NPAT: variants seen among roughly 807,000 people sequenced by gnomAD.
NPAT encodes the protein nuclear protein, coactivator of histone transcription.
Under a neutral mutation model 130.7 loss-of-function variants are expected in NPAT, and 52 were observed. The ratio of observed to expected loss-of-function variants is 0.40; its 90% CI spans 0.32 to 0.50. NPAT has a LOEUF of 0.50. Among genes scored for constraint, NPAT ranks in the 20% least tolerant of loss-of-function variants. The pLI is 0.68. For synonymous variants in NPAT, 580 were observed against 584.8 expected, an observed-to-expected ratio of 0.99 and a Z score of 0.12; for missense variants, 1,687 against 1,662.6, an observed-to-expected ratio of 1.01 and a Z score of -0.26.
chr11:108,220,383 G>A (rs1265713308), intron 1 of NPAT, among the ~76,000 whole-genome samples: 2 of 152,136 alleles, frequency 1.3e-5, no homozygotes, highest in Admixed American at 6.5e-5. Flanking sequence ...TGTTTAATGG[G>A]TGTCTAATGT....
intron 15 of NPAT, among the ~76,000 whole-genome samples, chr11:108,164,865 G>C (rs1382626394): frequency 6.6e-6 from 1 of 152,112 alleles, no homozygotes; most frequent in Non-Finnish European, 1.5e-5. Flanking sequence ...ACAAAAAATA[G>C]CTGGGCATGG....
chr11:108,163,045 G>A (rs1444670133), intron 15 of NPAT, among the ~76,000 whole-genome samples: 3 of 150,728 alleles, frequency 2.0e-5, no homozygotes, highest in African/African-American at 7.3e-5. Flanking sequence ...GGTTTCAGAG[G>A]CAATCCTTTA....
chr11:108,185,575 A>G (rs965040246), intron 8 of NPAT, 81 bp from the exon 9 acceptor site: 25 of 944,418 alleles, frequency 2.6e-5, no homozygotes, highest in Middle Eastern at 3.2e-4. Flanking sequence ...GAACAAACCG[A>G]TAAGAGCTGG....
intron 1 of NPAT, among the ~76,000 whole-genome samples, chr11:108,217,099 C>T (rs1304652411): frequency 3.3e-5 from 5 of 152,164 alleles, no homozygotes; most frequent in African/African-American, 4.8e-5. Flanking sequence ...TCCAGGTACA[C>T]GTTTCTTCCC....
At chr11:108,201,675 G>A (rs1489119490) in intron 1 of NPAT, among the ~76,000 whole-genome samples, 3 of 152,184 alleles carry the variant, frequency 2.0e-5, no homozygotes, top group South Asian at 2.1e-4. Flanking sequence ...GGGGTATAAC[G>A]TAACCATTTA....
At chr11:108,176,140 TAACA>T (rs2078003496) in intron 12 of NPAT, 102 bp downstream of exon 12, 1 of 867,858 alleles carries the variant, frequency 1.2e-6, no homozygotes, top group South Asian at 1.5e-5. Flanking sequence ...AAATGACCTA[TAACA>T]ATCTGAACAA....
rs769878999 is a variant in NPAT at position 108,176,362 on chromosome 11, T to C, written c.1016A>G (p.Asn339Ser). The C allele has an allele frequency of 7.1e-6, 11 of 1,549,126 alleles. No individual in the cohort carries two copies. Among genetic ancestry groups the C allele is most frequent in the Middle Eastern group, 1.7e-4 (1 of 5,882 alleles). ...AATACTTTGTGATATATTTTTATTA[T>C]TCTTTGTTTTGCCTGTTAAAAAGGG... ...FDLFDYGKTK[N>S]NKNISQSISS... The change falls in exon 12 of 18, where the codon AAT (asparagine) becomes AGT (serine). Residue 339 changes from asparagine to serine, a missense_variant. By Grantham distance (46) the Asn-to-Ser change is conservative. Around this residue, in one of 3 missense-constraint regions of NPAT, gnomAD observed 1,379 missense variants for 1,346.6 expected, o/e 1.02. Transcript: ENST00000278612.
intron 2 of NPAT, 85 bp from the exon 3 acceptor site, chr11:108,194,102 A>C: frequency 2.5e-6 from 2 of 786,426 alleles, no homozygotes; most frequent in Non-Finnish European, 4.4e-6. Context: ...CATTCAACTT[A>C]ATAAAAGATC....
At chr11:108,220,920 G>A (rs2078482128) in intron 1 of NPAT, among the ~76,000 whole-genome samples, 2 of 152,208 alleles carry the variant, frequency 1.3e-5, no homozygotes, top group African/African-American at 4.8e-5. Context: ...GGCACATTGC[G>A]GGATTGGTGG....
At chr11:108,209,888 C>CAAAA (rs58890849) in intron 1 of NPAT, among the ~76,000 whole-genome samples, 6 of 70,812 alleles carry the variant, frequency 8.5e-5, no homozygotes, top group African/African-American at 3.3e-4. Flanking sequence ...GACTTCATCT[C>CAAAA]AAAAAAAAAA....
At chr11:108,164,389 A>G (rs1384882542) in intron 15 of NPAT, among the ~76,000 whole-genome samples, 1 of 152,240 alleles carries the variant, frequency 6.6e-6, no homozygotes, top group Non-Finnish European at 1.5e-5. Context: ...ATCAAGGGCT[A>G]TAGAGTAGCT....
intron 2 of NPAT, among the ~76,000 whole-genome samples, chr11:108,196,553 C>G (rs1295681340): frequency 1.3e-5 from 2 of 152,202 alleles, no homozygotes; most frequent in African/African-American, 4.8e-5. Context: ...TTGAGTCTCT[C>G]AATTTGTACA....
chr11:108,189,496 A>C (rs529769893), intron 5 of NPAT, among the ~76,000 whole-genome samples, 166 bp from the exon 6 acceptor site: 1 of 152,358 alleles, frequency 6.6e-6, no homozygotes, highest in South Asian at 2.1e-4. Flanking sequence ...AGAAGAAACT[A>C]AAATGAATAC....
chr11:108,191,731 TCTTTA>T (rs2078171440), intron 4 of NPAT, among the ~76,000 whole-genome samples: 1 of 152,222 alleles, frequency 6.6e-6, no homozygotes, highest in African/African-American at 2.4e-5. Context: ...CAAGCTTTTT[TCTTTA>T]CAAGTTAAGA....
Position 108,158,009 on chromosome 11 carries a change from T to A in NPAT, c.*933A>T, listed in dbSNP as rs561134444. On this transcript the variant is annotated 3_prime_UTR_variant, in exon 18 of 18. Transcript: ENST00000278612. ...TAAAACTATGATTTCTCTTTTTACA[T>A]CTTATGATGGACACAACACCAGAAG... 6.6e-5 allele frequency: 10 copies of A among 152,632 alleles called. No individual in the cohort carries two copies. Among genetic ancestry groups the A allele is most frequent in the African/African-American group, 2.4e-4 (10 of 41,562 alleles). The allele number at this position is 152,632 out of a possible 1,614,324, so 9.5% of individuals were successfully genotyped here.
Position 108,222,638 on chromosome 11 carries a change from T to C in NPAT, c.-102A>G. The C allele has an allele frequency of 7.7e-7, 1 of 1,298,888 alleles. No homozygotes were observed. The highest frequency in any genetic ancestry group is 1.1e-6 in the Non-Finnish European group (1 of 911,274). The allele number at this position is 1,298,888 out of a possible 1,614,324, so 80.5% of individuals were successfully genotyped here. A position where few individuals can be genotyped will look rare whatever the true frequency, so the allele number is the denominator to read the frequency against. On this transcript the variant is annotated 5_prime_UTR_variant, in exon 1 of 18. Coordinates refer to ENST00000278612, the MANE Select transcript of NPAT (RefSeq NM_002519.3). Reference sequence around the variant, plus strand: ...CATCTCCTGGTTCCAGTGGCGGCACTGAACTCGCGGCAATTTGTCCCGCCT... The same window carrying C: ...CATCTCCTGGTTCCAGTGGCGGCACCGAACTCGCGGCAATTTGTCCCGCCT...
chr11:108,194,053 A>G (rs749164250), intron 2 of NPAT, 36 bp from the exon 3 acceptor site: 12 of 1,050,266 alleles, frequency 1.1e-5, no homozygotes, highest in Non-Finnish European at 1.8e-5. Context: ...CCAAAATTGT[A>G]TAATACTACC....
At chr11:108,169,656 G>T in intron 15 of NPAT, 88 bp downstream of exon 15, 2 of 945,626 alleles carry the variant, frequency 2.1e-6, no homozygotes, top group Non-Finnish European at 3.5e-6. Flanking sequence ...AAATGGTTTA[G>T]GTATTCAGAA....
At chr11:108,195,718 C>T (rs1477989552) in intron 2 of NPAT, among the ~76,000 whole-genome samples, 3 of 152,120 alleles carry the variant, frequency 2.0e-5, no homozygotes, top group African/African-American at 7.2e-5. Context: ...GCCCTGACCT[C>T]CTGGGCTCAT....
Sources: gnomAD v4.1 joint callset for allele counts (sites outside exome capture counted in the v4.1 genomes callset) on GRCh38, gnomAD v4.1.1 for gene constraint, gnomAD v4.1.1 regional missense constraint, MANE v1.5 for transcripts, NCBI Gene and HGNC (gene_info 2026-07-23, HGNC 2026-07-21) for gene names.